The following CERS6 variants were observed in gnomAD, a reference collection of about 807,000 sequenced individuals.
The protein encoded by CERS6 is ceramide synthase 6.
Under a neutral mutation model 56.8 loss-of-function variants are expected in CERS6, and 26 were observed. That is an observed-to-expected ratio of 0.46 (90% confidence interval 0.34 to 0.63). The LOEUF (loss-of-function observed/expected upper bound fraction) is 0.63. Ranked by LOEUF, CERS6 falls within the 30% of genes least tolerant of loss-of-function variation. The pLI, the probability that CERS6 is intolerant of heterozygous loss-of-function variation, is 0.01. For synonymous variants in CERS6, 164 were observed against 173.3 expected (o/e 0.95, Z 0.42); for missense variants, 415 against 467.5 (o/e 0.89, Z 1.04).
At chr2:168,700,655 T>C (rs1352290387) in intron 6 of CERS6, among the ~76,000 whole-genome samples, 1 of 152,198 alleles carries the variant, frequency 6.6e-6, no homozygotes, top group Non-Finnish European at 1.5e-5. Context: ...GCATGAGCTC[T>C]GGAGTTTGTC....
At chr2:168,660,529 A>G (rs901700219) in intron 4 of CERS6, among the ~76,000 whole-genome samples, 1 of 152,226 alleles carries the variant, frequency 6.6e-6, no homozygotes, top group Admixed American at 6.5e-5. Context: ...TCTGTAAGAA[A>G]TACAGAACAA....
At chr2:168,669,861 G>A (rs111312240) in intron 4 of CERS6, among the ~76,000 whole-genome samples, 9 of 152,272 alleles carry the variant, frequency 5.9e-5, no homozygotes, top group African/African-American at 2.2e-4. Flanking sequence ...GTGTTGTATA[G>A]GAACAGCAGA....
chr2:168,497,107 G>A (rs1026052736), intron 1 of CERS6, among the ~76,000 whole-genome samples: 1 of 152,160 alleles, frequency 6.6e-6, no homozygotes, highest in Admixed American at 6.6e-5. Flanking sequence ...TATAGGGGGC[G>A]TGGGTAGCCT....
intron 5 of CERS6, among the ~76,000 whole-genome samples, chr2:168,694,257 C>T (rs1267379115): frequency 1.3e-5 from 2 of 152,070 alleles, no homozygotes; most frequent in African/African-American, 4.8e-5. Flanking sequence ...AGCCTCCCCC[C>T]GACCCTGAGC....
chr2:168,754,327 A>G (rs1423097574), intron 8 of CERS6, among the ~76,000 whole-genome samples: 2 of 152,208 alleles, frequency 1.3e-5, no homozygotes, highest in Admixed American at 1.3e-4. Flanking sequence ...AATGCAAGTG[A>G]GTATATATAC....
chr2:168,673,126 T>A (rs1685964352), intron 4 of CERS6, among the ~76,000 whole-genome samples: 1 of 152,210 alleles, frequency 6.6e-6, no homozygotes, highest in South Asian at 2.1e-4. Context: ...AGGGTGGGTA[T>A]TAATTTCCTA....
At chr2:168,648,875 T>C (rs1222181586) in intron 4 of CERS6, among the ~76,000 whole-genome samples, 1 of 152,184 alleles carries the variant, frequency 6.6e-6, no homozygotes, top group Non-Finnish European at 1.5e-5. Flanking sequence ...ATTTTGGTTC[T>C]TTTGCATTTA....
At chr2:168,662,345 GGA>G (rs1685652083) in intron 4 of CERS6, among the ~76,000 whole-genome samples, 1 of 152,156 alleles carries the variant, frequency 6.6e-6, no homozygotes, top group Non-Finnish European at 1.5e-5. Flanking sequence ...TAAATAAAAT[GGA>G]GAGAGGAGGG....
Position 168,456,540 on chromosome 2 carries a change from C to T in CERS6, c.92C>T (p.Thr31Ile), listed in dbSNP as rs775890104. The T allele has an allele frequency of 4.3e-6, 7 of 1,613,952 alleles. No homozygotes were observed. Among genetic ancestry groups the T allele is most frequent in the African/African-American group, 2.7e-5 (2 of 74,928 alleles). ...GACCTGAAGAACACGGAGGAGGCCA[C>T]CTTCCCGCAGGCTGAGGACCTCTAT... ...WADLKNTEEA[T>I]FPQAEDLYLA... The change falls in exon 1 of 10, where the codon ACC becomes ATC. Residue 31 changes from threonine (T) to isoleucine (I), a missense_variant. Physicochemically the swap from Thr to Ile is moderately conservative, Grantham distance 89 (BLOSUM62 -1). Transcript: ENST00000305747. This position sits in a 1 kb window ranked among gnomAD's most constrained non-coding sequence, Gnocchi z 4.1.
intron 1 of CERS6, among the ~76,000 whole-genome samples, chr2:168,495,792 G>A (rs945779654): frequency 6.6e-6 from 1 of 152,088 alleles, no homozygotes; most frequent in Non-Finnish European, 1.5e-5. Context: ...CTCCTTTCAG[G>A]GGGGGCATGA....
chr2:168,615,900 C>T lies in CERS6; in HGVS notation c.408-15085C>T, dbSNP rs189858619. Among the ~76,000 whole-genome samples the T allele has an allele frequency of 2.5e-3, 384 of 152,272 alleles. 3 individuals are homozygous for T. Among genetic ancestry groups the T allele is most frequent in the Non-Finnish European group, 4.2e-3 (284 of 68,012 alleles). ...GGGAAATTCATCACAAAAAGATCAT[C>T]GCCTAGGCACACTGTCATCAGGTAG... On this transcript the variant is annotated intron_variant, in intron 3 of 9. Coordinates refer to ENST00000305747, the MANE Select transcript of CERS6 (RefSeq NM_203463.3).
At chr2:168,492,955 A>G (rs1178053311) in intron 1 of CERS6, among the ~76,000 whole-genome samples, 1 of 152,104 alleles carries the variant, frequency 6.6e-6, no homozygotes, top group African/African-American at 2.4e-5. Flanking sequence ...GAGTGTTAAA[A>G]TTTCCTCTTA....
At chr2:168,534,779 G>A (rs1378778785) in intron 1 of CERS6, among the ~76,000 whole-genome samples, 1 of 152,186 alleles carries the variant, frequency 6.6e-6, no homozygotes, top group Non-Finnish European at 1.5e-5. Flanking sequence ...GCCTCACTGT[G>A]GGGAAACACA....
At chr2:168,498,701 G>T (rs1182234142) in intron 1 of CERS6, among the ~76,000 whole-genome samples, 1 of 152,230 alleles carries the variant, frequency 6.6e-6, no homozygotes, top group Non-Finnish European at 1.5e-5. Flanking sequence ...CCGTAGACTG[G>T]CCAGAACCAC....
intron 1 of CERS6, among the ~76,000 whole-genome samples, chr2:168,545,915 G>A (rs986059635): frequency 2.6e-5 from 4 of 152,122 alleles, no homozygotes; most frequent in African/African-American, 4.8e-5. Context: ...GAGGGAGGGC[G>A]GGGAGGAGTC....
At chr2:168,490,863 C>T (rs1248694042) in intron 1 of CERS6, among the ~76,000 whole-genome samples, 1 of 152,162 alleles carries the variant, frequency 6.6e-6, no homozygotes, top group Non-Finnish European at 1.5e-5. Flanking sequence ...GTCAACAGAC[C>T]TTCCCCGCAG....
chr2:168,458,102 T>C (rs534405371), intron 1 of CERS6, among the ~76,000 whole-genome samples: 1 of 152,146 alleles, frequency 6.6e-6, no homozygotes, highest in Non-Finnish European at 1.5e-5. Context: ...ACAGAAAATA[T>C]GAACTCTATA....
At chr2:168,691,428 G>GA (rs1332875088) in intron 5 of CERS6, among the ~76,000 whole-genome samples, 1 of 152,160 alleles carries the variant, frequency 6.6e-6, no homozygotes, top group African/African-American at 2.4e-5. Flanking sequence ...ACATAGTGCA[G>GA]ACCTGCCTCA....
chr2:168,725,617 A>G (rs1453858722), intron 8 of CERS6, among the ~76,000 whole-genome samples: 1 of 152,254 alleles, frequency 6.6e-6, no homozygotes, highest in Non-Finnish European at 1.5e-5. Context: ...TATGTAGTCA[A>G]GATCAAATTT....
Sources: allele counts gnomAD v4.1 joint callset (sites outside exome capture counted in the v4.1 genomes callset), GRCh38; gene constraint gnomAD v4.1.1; non-coding constraint Gnocchi (gnomAD v3.1); transcripts MANE v1.5; gene names NCBI Gene and HGNC (gene_info 2026-07-23, HGNC 2026-07-21).